Variants in CMTM6 observed in about 807,000 individuals in gnomAD.
The protein encoded by CMTM6 is CKLF-like MARVEL transmembrane domain-containing protein 6.
CMTM6 carries 5 observed loss-of-function variants against 13.6 expected under a neutral mutation model. That is an observed-to-expected ratio of 0.37 (90% CI 0.19 to 0.77). The LOEUF (loss-of-function observed/expected upper bound fraction) is 0.77, where lower values mean the gene tolerates loss of function less well. CMTM6 is among the 30% of genes least tolerant of loss of function. The pLI, the probability that CMTM6 is intolerant of heterozygous loss-of-function variation, is 0.50. For missense variants in CMTM6, 196 were observed against 218.6 expected (o/e 0.90, Z 0.65); for synonymous variants, 99 against 84.5 (o/e 1.17, Z -0.94).
chr3:32,502,650 G>A lies in CMTM6; in HGVS notation c.96C>T (p.Gly32=), dbSNP rs1697356590. 1.3e-6 allele frequency: 2 copies of A among 1,595,400 alleles called. No individual in the cohort carries two copies. The highest frequency in any genetic ancestry group is 8.5e-7 in the Non-Finnish European group (1 of 1,172,750). The change falls in exon 1 of 4, where the codon GGC becomes GGT. Residue 32 remains glycine (G), a synonymous_variant. Transcript: ENST00000205636. ...RSGLAAYFFM[G]RLPLLRRVLK... is the part of the protein sequence containing the mutation. ...GAACGCGCCGGAGCAATGGGAGCCG[G>A]CCCATGAAAAAGTAGGCAGCGAGGC...
intron 1 of CMTM6, among the ~76,000 whole-genome samples, chr3:32,499,901 A>G (rs998926562): frequency 2.4e-5 from 3 of 124,014 alleles, no homozygotes; most frequent in African/African-American, 5.4e-5. Flanking sequence ...CAGAGGTTTG[A>G]AAAAAAAAAA....
chr3:32,496,916 G>A (rs1432637130), intron 1 of CMTM6, among the ~76,000 whole-genome samples: 1 of 152,148 alleles, frequency 6.6e-6, no homozygotes, highest in Non-Finnish European at 1.5e-5. Context: ...TCATGCAAGG[G>A]AATATGGATG....
intron 1 of CMTM6, 86 bp downstream of exon 1, chr3:32,502,522 T>G (rs1418621283): frequency 6.6e-7 from 1 of 1,504,068 alleles, no homozygotes; most frequent in African/African-American, 1.4e-5. Flanking sequence ...ACAACCAAGC[T>G]GAAACGAAGG....
chr3:32,491,392 A>T (rs1200373708), intron 2 of CMTM6, among the ~76,000 whole-genome samples: 1 of 152,254 alleles, frequency 6.6e-6, no homozygotes, highest in Admixed American at 6.5e-5. Flanking sequence ...TAATTGTAGA[A>T]CCAATGAGTG....
chr3:32,484,307 G>A (rs1465686253), intron 3 of CMTM6, among the ~76,000 whole-genome samples: 2 of 152,164 alleles, frequency 1.3e-5, no homozygotes, highest in Admixed American at 1.3e-4. Context: ...ATGGCTATTA[G>A]TCAAAGTCTC....
In CMTM6 at chr3:32,483,897, G is replaced by A; in HGVS notation, c.*63C>T. Reference sequence around the variant, plus strand: ...ATTAACAAATTTTACAAGAGCTTCTGCCAGGGCTCAGGCACCACAATGCAG... The same window carrying A: ...ATTAACAAATTTTACAAGAGCTTCTACCAGGGCTCAGGCACCACAATGCAG... On this transcript the variant is annotated 3_prime_UTR_variant, in exon 4 of 4. Coordinates refer to ENST00000205636, the MANE Select transcript of CMTM6 (RefSeq NM_017801.3). 2.0e-5 allele frequency: 28 copies of A among 1,385,586 alleles called. No individual in the cohort carries two copies. Among genetic ancestry groups the A allele is most frequent in the Non-Finnish European group, 2.6e-5 (28 of 1,057,040 alleles). 85.8% of individuals were successfully genotyped at this position (1,385,586 alleles called of 1,614,324 possible).
Position 32,483,463 on chromosome 3 carries a change from C to T in CMTM6, c.*497G>A, listed in dbSNP as rs996278449. 1.3e-5 allele frequency: 2 copies of T among 152,274 alleles called. No homozygotes were observed. Among genetic ancestry groups the T allele is most frequent in the Non-Finnish European group, 2.9e-5 (2 of 68,036 alleles). 9.4% of individuals were successfully genotyped at this position (152,274 alleles called of 1,614,324 possible). On this transcript the variant is annotated 3_prime_UTR_variant, in exon 4 of 4. Transcript: ENST00000205636. ...TGTTAAGGAAAAAAACCTAGACCAA[C>T]ATTTTAAATATTGGTTTCTTAAATA...
rs200575664 is a variant in CMTM6 at position 32,502,667 on chromosome 3, C to T, written c.79G>A (p.Ala27Thr). ...PARGPRSGLA[A>T]YFFMGRLPLL... Reference sequence around the variant, plus strand: ...GGGAGCCGGCCCATGAAAAAGTAGGCAGCGAGGCCGCTCCGGGGGCCTCTG... The same window carrying T: ...GGGAGCCGGCCCATGAAAAAGTAGGTAGCGAGGCCGCTCCGGGGGCCTCTG... Residue 27 changes from alanine (A) to threonine (T), a missense_variant, in exon 1 of 4, where the codon GCC becomes ACC. This residue lies in a region of CMTM6 where 85 missense variants were observed against 58.7 expected (regional missense o/e 1.45). Coordinates refer to ENST00000205636, the MANE Select transcript of CMTM6 (RefSeq NM_017801.3). 1.0e-4 allele frequency: 159 copies of T among 1,590,642 alleles called. No individual in the cohort carries two copies. Among genetic ancestry groups the T allele is most frequent in the South Asian group, 1.1e-5 (1 of 87,846 alleles).
chr3:32,485,173 T>C (rs914418854), intron 3 of CMTM6, among the ~76,000 whole-genome samples: 1 of 151,962 alleles, frequency 6.6e-6, no homozygotes, highest in Non-Finnish European at 1.5e-5. Context: ...TTTTTGAAGC[T>C]GTCTCTGATC....
At chr3:32,488,256 C>T (rs1051782852) in intron 2 of CMTM6, 1 of 400,098 alleles carries the variant, frequency 2.5e-6, no homozygotes, top group East Asian at 3.9e-5. Context: ...ATTGAGAGAA[C>T]ACATTACAAG....
At chr3:32,493,477 G>A (rs968106909) in intron 1 of CMTM6, among the ~76,000 whole-genome samples, 22 of 152,198 alleles carry the variant, frequency 1.4e-4, no homozygotes, top group Admixed American at 1.4e-3. Flanking sequence ...AATATGCTGT[G>A]ATTGAGGAGG....
intron 2 of CMTM6, 122 bp downstream of exon 2, chr3:32,491,588 G>T: frequency 1.2e-6 from 1 of 822,866 alleles, no homozygotes; most frequent in East Asian, 2.7e-5. Flanking sequence ...AGAGCGAGTT[G>T]GAACAAGGGA....
At chr3:32,495,714 T>G (rs568768807) in intron 1 of CMTM6, among the ~76,000 whole-genome samples, 29 of 152,128 alleles carry the variant, frequency 1.9e-4, no homozygotes, top group Non-Finnish European at 3.7e-4. Context: ...TTGTCTACTT[T>G]CAGTAAAAAA....
intron 2 of CMTM6, 74 bp from the exon 3 acceptor site, chr3:32,488,110 C>G (rs1362730427): frequency 1.9e-6 from 2 of 1,045,340 alleles, no homozygotes; most frequent in Non-Finnish European, 2.8e-6. Flanking sequence ...TCATTTTTAA[C>G]TTTAAAAAGC....
At chr3:32,500,063 T>C (rs1163649921) in intron 1 of CMTM6, among the ~76,000 whole-genome samples, 1 of 152,200 alleles carries the variant, frequency 6.6e-6, no homozygotes, top group African/African-American at 2.4e-5. Flanking sequence ...TCTGTTAAGA[T>C]TTATGGGTCC....
chr3:32,488,770 C>G (rs188517891), intron 2 of CMTM6, among the ~76,000 whole-genome samples: 264 of 152,242 alleles, frequency 1.7e-3, no homozygotes, highest in African/African-American at 6.0e-3. Context: ...TATCATAATG[C>G]AGCTTACAAT....
Position 32,491,776 on chromosome 3 carries a change from G to A in CMTM6, c.249C>T (p.Leu83=), listed in dbSNP as rs149840154. 3 of 1,613,794 alleles carry A rather than the reference G, an allele frequency of 1.9e-6. No individual in the cohort carries two copies. In the African/African-American group the frequency reaches 4.0e-5, roughly 22 times the overall value. The part of the protein sequence containing the change: ...FVSCSAFLLS[L]LILIVYCTPF... ...GAGTGCAATACACAATCAGTATAAG[G>A]AGACTCAGAAGAAAGGCACTGCAGC... Residue 83 remains leucine, a synonymous_variant, in exon 2 of 4, where the codon CTC becomes CTT. Coordinates refer to ENST00000205636, the MANE Select transcript of CMTM6 (RefSeq NM_017801.3).
chr3:32,485,505 T>C (rs1049657337), intron 3 of CMTM6, among the ~76,000 whole-genome samples: 1 of 152,120 alleles, frequency 6.6e-6, no homozygotes, highest in Non-Finnish European at 1.5e-5. Context: ...TTTATACAAA[T>C]AAGTAGCCAG....
intron 1 of CMTM6, 52 bp downstream of exon 1, chr3:32,502,556 G>C: frequency 6.4e-7 from 1 of 1,556,506 alleles, no homozygotes; most frequent in Non-Finnish European, 8.7e-7. Flanking sequence ...CCCAAGCCCG[G>C]GCCAGACCCC....
Sources: allele counts gnomAD v4.1 joint callset (sites outside exome capture counted in the v4.1 genomes callset), GRCh38; gene constraint gnomAD v4.1.1; regional missense constraint gnomAD v4.1.1; transcripts MANE v1.5; gene names NCBI Gene and HGNC (gene_info 2026-07-23, HGNC 2026-07-21).